The following TENM1 variants were observed in gnomAD, a reference collection of about 807,000 sequenced individuals.
TENM1 encodes teneurin transmembrane protein 1, also known as teneurin-1.
Under a neutral mutation model 174.8 loss-of-function variants are expected in TENM1, and 35 were observed. The ratio of observed to expected loss-of-function variants is 0.20; its 90% CI spans 0.15 to 0.27. TENM1 has a LOEUF of 0.27. Among genes scored for constraint, TENM1 ranks in the 10% least tolerant of loss-of-function variants. TENM1 has a pLI of 1.00. For synonymous variants in TENM1, 781 were observed against 798.7 expected, an observed-to-expected ratio of 0.98 and a Z score of 0.37; for missense variants, 1,633 against 2,130.1, an observed-to-expected ratio of 0.77 and a Z score of 4.59.
chrX:124,497,370 T>G, intron 19 of TENM1, 105 bp from the exon 23 acceptor site: 1 of 882,775 alleles, frequency 1.1e-6, no homozygotes, highest in Non-Finnish European at 1.5e-6. Flanking sequence ...AGGAAGGAGC[T>G]TTGGCCTGGC....
chrX:124,647,751 GTGTT>G (rs2051197463), intron 8 of TENM1, among the ~76,000 whole-genome samples: 1 of 109,456 alleles, frequency 9.1e-6, no homozygotes, highest in Admixed American at 9.8e-5. Flanking sequence ...GTGTGTGTGT[GTGTT>G]TGTGTGTGTG....
At chrX:124,821,005 C>T (rs2056025447) in intron 3 of TENM1, among the ~76,000 whole-genome samples, 1 of 112,659 alleles carries the variant, frequency 8.9e-6, no homozygotes, top group African/African-American at 3.2e-5. Flanking sequence ...ACCACAAGAT[C>T]TGGGACAGAG....
chrX:124,544,210 T>C (rs1304666411), intron 15 of TENM1, among the ~76,000 whole-genome samples: 1 of 112,666 alleles, frequency 8.9e-6, no homozygotes, highest in Non-Finnish European at 1.9e-5. Context: ...CAGTCCGAGA[T>C]GTATAAGAGC....
chrX:125,101,356 T>C, the TENM1 span, among the ~76,000 whole-genome samples: 1 of 111,884 alleles, frequency 8.9e-6, no homozygotes, highest in East Asian at 2.8e-4. Flanking sequence ...GGAAACACTT[T>C]GGGAACCCTG....
intron 9 of TENM1, 50 bp downstream of exon 12, chrX:124,646,659 G>T: frequency 1.1e-6 from 1 of 919,030 alleles, no homozygotes; most frequent in Non-Finnish European, 1.6e-6. Context: ...TCTGGGTTAT[G>T]AAATCACATC....
chrX:124,634,221 T>C (rs2050824464), intron 11 of TENM1, among the ~76,000 whole-genome samples: 1 of 111,702 alleles, frequency 9.0e-6, no homozygotes, highest in Non-Finnish European at 1.9e-5. Flanking sequence ...CTACCTATAT[T>C]TCAACTTTTT....
At chrX:124,566,679 A>T (rs1409233177) in intron 11 of TENM1, among the ~76,000 whole-genome samples, 4 of 112,400 alleles carry the variant, frequency 3.6e-5, no homozygotes, top group Non-Finnish European at 7.5e-5. Context: ...CTCCACAGAT[A>T]GCAGAGTTAT....
At position 124,742,724 on chromosome X, in the gene TENM1, A is replaced by T. The variant is rs773816420; in HGVS notation, c.536-5527T>A. Among the ~76,000 whole-genome samples the T allele has an allele frequency of 2.7e-5, 3 of 110,747 alleles. No individual in the cohort carries two copies. In the East Asian group the frequency reaches 8.5e-4, roughly 31 times the overall value. On this transcript the variant is annotated intron_variant, in intron 3 of 31. Coordinates refer to ENST00000422452, the Ensembl canonical transcript of TENM1. The stretch of plus-strand genomic sequence containing the variant: ...AAGTGGACCCCAAAGGTTTTGGATA[A>T]GGGATTATGGGCCTGTATTAGTATT...
At chrX:125,163,301 T>G in the TENM1 span, among the ~76,000 whole-genome samples, 5 of 110,471 alleles carry the variant, frequency 4.5e-5, no homozygotes, top group Admixed American at 4.9e-4. Flanking sequence ...TGAGCCACTC[T>G]TGCAACAGGC....
At chrX:125,162,015 G>C in the TENM1 span, among the ~76,000 whole-genome samples, 1 of 111,777 alleles carries the variant, frequency 8.9e-6, no homozygotes, top group Non-Finnish European at 1.9e-5. Flanking sequence ...TGAGAGGAAG[G>C]CTCCTTGCGG....
chrX:124,382,415 T>G, intron 31 of TENM1, among the ~76,000 whole-genome samples: 1 of 111,255 alleles, frequency 9.0e-6, no homozygotes, highest in Non-Finnish European at 1.9e-5. Flanking sequence ...TAAAGTACAG[T>G]TCCTCTTTCC....
intron 3 of TENM1, among the ~76,000 whole-genome samples, chrX:124,785,437 G>C (rs933991541): frequency 3.6e-5 from 4 of 111,790 alleles, no homozygotes; most frequent in African/African-American, 1.3e-4. Flanking sequence ...ACTACTCAGA[G>C]TTTGGTCTTC....
chrX:124,471,751 T>A (rs1373974939), intron 22 of TENM1, among the ~76,000 whole-genome samples: 1 of 95,432 alleles, frequency 1.0e-5, no homozygotes, highest in Non-Finnish European at 2.0e-5. Context: ...GAGTAATATA[T>A]AATATATACT....
intron 3 of TENM1, among the ~76,000 whole-genome samples, chrX:124,803,345 T>C (rs2055504379): frequency 8.9e-6 from 1 of 112,232 alleles, no homozygotes; most frequent in African/African-American, 3.2e-5. Flanking sequence ...GTATTCTTTC[T>C]GTCAATTACT....
intron 6 of TENM1, among the ~76,000 whole-genome samples, chrX:124,655,950 A>G (rs1030292237): frequency 8.9e-6 from 1 of 112,226 alleles, no homozygotes; most frequent in African/African-American, 3.2e-5. Context: ...AATGTCTTCA[A>G]TGAGCAGACA....
At chrX:124,845,507 A>C (rs954543976) in intron 3 of TENM1, among the ~76,000 whole-genome samples, 1 of 111,814 alleles carries the variant, frequency 8.9e-6, no homozygotes, top group Non-Finnish European at 1.9e-5. Flanking sequence ...GCAATATGTA[A>C]TGTGTAGTAA....
the TENM1 span, among the ~76,000 whole-genome samples, chrX:125,162,066 A>G: frequency 8.9e-6 from 1 of 111,821 alleles, no homozygotes; most frequent in Non-Finnish European, 1.9e-5. Flanking sequence ...AAAAAGTAAC[A>G]AGAATCAACT....
At chrX:124,767,857 C>A (rs1255990990) in intron 3 of TENM1, among the ~76,000 whole-genome samples, 6 of 111,139 alleles carry the variant, frequency 5.4e-5, no homozygotes, top group African/African-American at 2.0e-4. Flanking sequence ...CATCATTGTA[C>A]TATGAAAAAA....
rs369842437 is a variant in TENM1, at chrX:124,577,081, T to C, written c.2078-11521A>G. On this transcript the variant is annotated intron_variant, in intron 11 of 31. Coordinates refer to ENST00000422452, the Ensembl canonical transcript of TENM1. ...AGTCTTACTCTAAATGAGAAAGAGCTCACAGACTTGTCTTCCCCATCCCAT... is the reference window on the plus strand; with the variant it reads ...AGTCTTACTCTAAATGAGAAAGAGCCCACAGACTTGTCTTCCCCATCCCAT... 1.9e-3 allele frequency among the ~76,000 whole-genome samples: 212 copies of C among 112,119 alleles called. 1 individual carries two copies. Among genetic ancestry groups the C allele is most frequent in the African/African-American group, 6.5e-3 (201 of 30,845 alleles).
Sources: gnomAD v4.1 joint callset for allele counts (sites outside exome capture counted in the v4.1 genomes callset) on GRCh38, gnomAD v4.1.1 for gene constraint, MANE v1.5 for transcripts, NCBI Gene and HGNC (gene_info 2026-07-23, HGNC 2026-07-21) for gene names.